Variants in SLC43A3 observed in about 807,000 individuals in gnomAD.
SLC43A3 encodes equilibrative nucleobase transporter 1.
In SLC43A3, 33 loss-of-function variants were observed where a neutral mutation model predicts 53.3. That is an observed-to-expected ratio of 0.62 (90% CI 0.47 to 0.83). The LOEUF (loss-of-function observed/expected upper bound fraction) is 0.83, where lower values mean the gene tolerates loss of function less well. SLC43A3 is among the 40% of genes least tolerant of loss of function. The probability of loss-of-function intolerance (pLI) is 0.00; values close to 1 mark genes in which losing one functional copy is unlikely to be tolerated. For missense variants in SLC43A3, 530 were observed against 610.0 expected (o/e 0.87, Z 1.38); for synonymous variants, 236 against 246.2 (o/e 0.96, Z 0.39).
At position 57,426,271 on chromosome 11, in the gene SLC43A3, G is replaced by T; in HGVS notation, c.-99C>A. The T allele has an allele frequency of 1.7e-6, 2 of 1,170,774 alleles. No homozygotes were observed. The highest frequency in any genetic ancestry group is 1.5e-5 in the African/African-American group (1 of 65,666). The allele number at this position is 1,170,774 out of a possible 1,614,324, so 72.5% of individuals were successfully genotyped here. Reference sequence around the variant, plus strand: ...TTTGAGCACTTGGAAAATTCCTCTGGCAAGCCAAGCCCTTCCTTTCCCGTA... The same window carrying T: ...TTTGAGCACTTGGAAAATTCCTCTGTCAAGCCAAGCCCTTCCTTTCCCGTA... On this transcript the variant is annotated 5_prime_UTR_variant, in exon 3 of 14. Transcript: ENST00000395124.
Position 57,426,244 on chromosome 11 carries a change from C to A in SLC43A3, c.-72G>T. The A allele has an allele frequency of 2.8e-6, 4 of 1,454,060 alleles. No individual in the cohort carries two copies. The South Asian group carries it at 4.9e-5, about 18-fold the overall frequency. The allele number at this position is 1,454,060 out of a possible 1,614,324, so 90.1% of individuals were successfully genotyped here. On this transcript the variant is annotated 5_prime_UTR_variant, in exon 3 of 14. Transcript: ENST00000395124. ...CGGATCACAGGCGCCGTAAGCCTGG[C>A]GTTTGAGCACTTGGAAAATTCCTCT...
Position 57,426,184 on chromosome 11 carries a change from G to A in SLC43A3, c.-12C>T, listed in dbSNP as rs1943193198. 1 of 1,613,318 alleles carries A rather than the reference G, an allele frequency of 6.2e-7. No homozygotes were observed. The highest frequency in any genetic ancestry group is 8.5e-7 in the Non-Finnish European group (1 of 1,179,528). Reference sequence around the variant, plus strand: ...CCCTGGCCCGCCATGAGCAGAAGTGGAGTGGATCTTCAAATCCCACTTTGT... The same window carrying A: ...CCCTGGCCCGCCATGAGCAGAAGTGAAGTGGATCTTCAAATCCCACTTTGT... On this transcript the variant is annotated 5_prime_UTR_variant, in exon 3 of 14. Transcript: ENST00000395124.
Position 57,421,073 on chromosome 11 carries a change from G to C in SLC43A3, c.439-9C>G, listed in dbSNP as rs367752369. The C allele has an allele frequency of 6.3e-7, 1 of 1,583,582 alleles. No homozygotes were observed. The highest frequency in any genetic ancestry group is 8.7e-7 in the Non-Finnish European group (1 of 1,152,362). On this transcript the variant is annotated splice_polypyrimidine_tract_variant and intron_variant, in intron 6 of 13. Coordinates refer to ENST00000395124, the MANE Select transcript of SLC43A3 (RefSeq NM_199329.3). ...CCAAATAGGTTCCCAATCTGGGGAT[G>C]ATAGGACTAGCCTGGATCACTTATT...
intron 11 of SLC43A3, among the ~76,000 whole-genome samples, chr11:57,414,336 G>A (rs1414605500): frequency 1.3e-5 from 2 of 151,810 alleles, no homozygotes; most frequent in Non-Finnish European, 2.9e-5. Context: ...GTGAAACCCC[G>A]TCTCTACTAA....
At chr11:57,423,922 T>C in intron 5 of SLC43A3, 60 bp downstream of exon 5, 1 of 1,516,174 alleles carries the variant, frequency 6.6e-7, no homozygotes, top group African/African-American at 1.4e-5. Context: ...TGCTCACACC[T>C]GCCCCAGCCA....
chr11:57,418,453 G>A (rs1262865924), intron 7 of SLC43A3, among the ~76,000 whole-genome samples: 4 of 152,182 alleles, frequency 2.6e-5, no homozygotes, highest in African/African-American at 7.2e-5. Context: ...TAGTGCTTTA[G>A]AAGACCAAGA....
At chr11:57,424,318 T>C (rs960425699) in intron 4 of SLC43A3, among the ~76,000 whole-genome samples, 1 of 152,194 alleles carries the variant, frequency 6.6e-6, no homozygotes, top group Non-Finnish European at 1.5e-5. Context: ...TGTGATTGGC[T>C]TGGGACTTAG....
chr11:57,408,363 A>T (rs1942297484), intron 13 of SLC43A3: 1 of 157,944 alleles, frequency 6.3e-6, no homozygotes, highest in Admixed American at 6.0e-5. Flanking sequence ...GGAATTCAAA[A>T]CCAGCCCAGG....
At chr11:57,413,480 G>C (rs183585999) in intron 11 of SLC43A3, among the ~76,000 whole-genome samples, 3 of 152,152 alleles carry the variant, frequency 2.0e-5, no homozygotes, top group African/African-American at 7.2e-5. Flanking sequence ...ATACATGTAC[G>C]GGTATAGAGA....
In SLC43A3 at chr11:57,421,382, T is replaced by A. The variant is rs775755561; in HGVS notation, c.362-9A>T. 1.7e-5 allele frequency: 28 copies of A among 1,612,234 alleles called. No homozygotes were observed. The highest frequency in any genetic ancestry group is 2.2e-5 in the Non-Finnish European group (26 of 1,178,814). ...GAGCAGCACGGCTGAGCCTGGACCA[T>A]CAAAGTCAGAGGTAGGGTGGTGTCA... On this transcript the variant is annotated splice_polypyrimidine_tract_variant and intron_variant, in intron 5 of 13. Transcript: ENST00000395124.
rs149977311 is a variant in SLC43A3 at position 57,415,047 on chromosome 11, G to C, written c.829C>G (p.Arg277Gly). 1.2e-5 allele frequency: 19 copies of C among 1,614,016 alleles called. 1 individual carries two copies. The South Asian group carries it at 2.1e-4, about 18-fold the overall frequency. ...LRSFWSYAFS[R>G]RFAWHLVWLS... ...CACACCAGGTGCCAGGCAAAGCGCC[G>C]AGAGAAAGCGTAGCTCCAGAAGGAG... The change falls in exon 10 of 14, where the codon CGG becomes GGG. Residue 277 changes from arginine (R) to glycine (G), a missense_variant. Arg to Gly is a moderately radical substitution (Grantham distance 125). Transcript: ENST00000395124.
In SLC43A3 at chr11:57,410,088, G is replaced by A. The variant is rs780500484; in HGVS notation, c.1094C>T (p.Thr365Met). Reference sequence around the variant, plus strand: ...GGATGTCAGGGCCAGCGAAGGCACCGTCGAGCAGAGGGCCACCGCCAAAGT... The same window carrying A: ...GGATGTCAGGGCCAGCGAAGGCACCATCGAGCAGAGGGCCACCGCCAAAGT... Reference protein sequence around the residue: ...SSTLAVALCSTVPSLALTSLL... With the variant: ...SSTLAVALCSMVPSLALTSLL... Residue 365 changes from threonine to methionine, a missense_variant, in exon 12 of 14, where the codon ACG becomes ATG. Physicochemically the swap from Thr to Met is moderately conservative, Grantham distance 81 (BLOSUM62 -1). This residue lies in a region of SLC43A3 where 124 missense variants were observed against 166.4 expected (regional missense o/e 0.75). Coordinates refer to ENST00000395124, the MANE Select transcript of SLC43A3 (RefSeq NM_199329.3). 57 of 1,608,714 alleles carry A rather than the reference G, an allele frequency of 3.5e-5. No individual in the cohort carries two copies. Among genetic ancestry groups the A allele is most frequent in the South Asian group, 2.0e-4 (18 of 89,806 alleles).
intron 7 of SLC43A3, among the ~76,000 whole-genome samples, chr11:57,420,144 C>CT (rs1942921352): frequency 6.6e-6 from 1 of 152,244 alleles, no homozygotes; most frequent in Middle Eastern, 3.2e-3. Flanking sequence ...CTGTGGTGTG[C>CT]TGGCTTTAGT....
At chr11:57,411,530 T>C (rs917597328) in intron 11 of SLC43A3, among the ~76,000 whole-genome samples, 27 of 144,240 alleles carry the variant, frequency 1.9e-4, no homozygotes, top group African/African-American at 7.2e-4. Flanking sequence ...CCAGACATGG[T>C]AGTGCATGCC....
intron 11 of SLC43A3, among the ~76,000 whole-genome samples, chr11:57,414,154 C>G (rs143978472): frequency 6.6e-6 from 1 of 152,228 alleles, no homozygotes; most frequent in African/African-American, 2.4e-5. Context: ...ATGGCTGACA[C>G]ATAACTATCA....
rs1438628500 is a variant in SLC43A3, at chr11:57,414,966, G to T, written c.910C>A (p.Leu304Met). ...YLFIGTLNSL[L>M]TNMAGGDMAR... ...ATGTCCCCACCGGCCATGTTGGTCA[G>T]CAAGGAGTTGAGAGTGCCAATGAAG... The change falls in exon 10 of 14, where the codon CTG becomes ATG. Residue 304 changes from leucine (L) to methionine (M), a missense_variant. Leu to Met is a conservative substitution (Grantham distance 15, BLOSUM62 2). Around this residue, in one of 3 missense-constraint regions of SLC43A3, gnomAD observed 376 missense variants for 386.7 expected, o/e 0.97. Coordinates refer to ENST00000395124, the MANE Select transcript of SLC43A3 (RefSeq NM_199329.3). 14 of 1,613,638 alleles carry T rather than the reference G, an allele frequency of 8.7e-6. No individual in the cohort carries two copies. Among genetic ancestry groups the T allele is most frequent in the Non-Finnish European group, 1.2e-5 (14 of 1,180,032 alleles).
Position 57,410,001 on chromosome 11 carries a change from G to A in SLC43A3, c.1181C>T (p.Thr394Ile). The A allele has an allele frequency of 6.2e-7, 1 of 1,613,386 alleles. No individual in the cohort carries two copies. Among genetic ancestry groups the A allele is most frequent in the Non-Finnish European group, 8.5e-7 (1 of 1,179,816 alleles). The change falls in exon 12 of 14, where the codon ACC becomes ATC. Residue 394 changes from threonine (T) to isoleucine (I), a missense_variant. This residue lies in a region of SLC43A3 where 124 missense variants were observed against 166.4 expected (regional missense o/e 0.75). Coordinates refer to ENST00000395124, the MANE Select transcript of SLC43A3 (RefSeq NM_199329.3). ...GCGGCTGATCACTTGCAGGATGAAG[G>A]TGAGGTACTGGAGAGGGAGGATGGG... ...SVPILPLQYL[T>I]FILQVISRSF...
intron 3 of SLC43A3, 94 bp downstream of exon 3, chr11:57,425,891 TAGAA>T: frequency 7.2e-7 from 1 of 1,388,126 alleles, no homozygotes; most frequent in Non-Finnish European, 1.0e-6. Context: ...CCTCTCATCA[TAGAA>T]AGAGGGGTGG....
chr11:57,417,457 C>T (rs1293308461), intron 8 of SLC43A3, among the ~76,000 whole-genome samples: 2 of 152,214 alleles, frequency 1.3e-5, no homozygotes, highest in Non-Finnish European at 2.9e-5. Context: ...CCTAGCATAG[C>T]CAGCCCCCAT....
Sources: gnomAD v4.1 joint callset for allele counts (sites outside exome capture counted in the v4.1 genomes callset) on GRCh38, gnomAD v4.1.1 for gene constraint, gnomAD v4.1.1 regional missense constraint, MANE v1.5 for transcripts, NCBI Gene and HGNC (gene_info 2026-07-23, HGNC 2026-07-21) for gene names.